The following KIDINS220 variants were observed in gnomAD, a reference collection of about 807,000 sequenced individuals.
The protein encoded by KIDINS220 is kinase D-interacting substrate of 220 kDa.
In KIDINS220, 63 loss-of-function variants were observed where a neutral mutation model predicts 157.6. That is an observed-to-expected ratio of 0.40 (90% CI 0.33 to 0.49). The LOEUF is 0.49. Among genes scored for constraint, KIDINS220 ranks in the 20% least tolerant of loss-of-function variants. KIDINS220 has a pLI of 0.66. For synonymous variants in KIDINS220, 732 were observed against 783.6 expected, an observed-to-expected ratio of 0.93 and a Z score of 1.10; for missense variants, 1,772 against 2,171.2, an observed-to-expected ratio of 0.82 and a Z score of 3.65.
At chr2:8,820,794 T>C (rs1208115371) in intron 2 of KIDINS220, among the ~76,000 whole-genome samples, 2 of 152,236 alleles carry the variant, frequency 1.3e-5, no homozygotes, top group African/African-American at 2.4e-5. Context: ...TTAAAAGTTA[T>C]GTTTAGAATT....
At chr2:8,812,596 A>G (rs1247923340) in intron 5 of KIDINS220, 103 bp from the exon 6 acceptor site, 2 of 489,786 alleles carry the variant, frequency 4.1e-6, no homozygotes, top group Non-Finnish European at 7.1e-6. Context: ...TCTTTTAGGT[A>G]GATATTTACA....
chr2:8,818,638 A>C (rs1677452580), intron 3 of KIDINS220, 57 bp downstream of exon 3: 4 of 1,088,758 alleles, frequency 3.7e-6, no homozygotes, highest in South Asian at 1.5e-5. Context: ...TCTGAAAAAC[A>C]AAAAAATAGC....
intron 26 of KIDINS220, among the ~76,000 whole-genome samples, chr2:8,743,111 G>A (rs1665859548): frequency 6.6e-6 from 1 of 152,110 alleles, no homozygotes; most frequent in Non-Finnish European, 1.5e-5. Context: ...ATTTCCTAGT[G>A]GGAACTGGAC....
intron 5 of KIDINS220, among the ~76,000 whole-genome samples, chr2:8,812,715 A>G (rs1301318777): frequency 1.3e-5 from 2 of 152,250 alleles, no homozygotes; most frequent in Non-Finnish European, 2.9e-5. Flanking sequence ...CAAAATACTC[A>G]TAATACATAA....
intron 27 of KIDINS220, among the ~76,000 whole-genome samples, chr2:8,736,445 A>G (rs1664870886): frequency 6.6e-6 from 1 of 152,232 alleles, no homozygotes; most frequent in Admixed American, 6.5e-5. Flanking sequence ...GAATTTGGAG[A>G]AAATGAGGCA....
chr2:8,750,019 A>T, intron 24 of KIDINS220, 93 bp downstream of exon 24: 1 of 1,022,836 alleles, frequency 9.8e-7, no homozygotes, highest in Non-Finnish European at 1.4e-6. Context: ...AAGCCAAAGT[A>T]CAGCTTTAAA....
chr2:8,823,176 G>A (rs1678252240), intron 2 of KIDINS220, among the ~76,000 whole-genome samples: 1 of 151,976 alleles, frequency 6.6e-6, no homozygotes, highest in African/African-American at 2.4e-5. Context: ...TGCCCAGGCT[G>A]GTCTCAAACT....
chr2:8,779,568 TCAAA>T (rs1671425061), intron 18 of KIDINS220, 102 bp downstream of exon 18: 1 of 1,249,816 alleles, frequency 8.0e-7, no homozygotes, highest in Non-Finnish European at 1.1e-6. Flanking sequence ...TAGGAACTAC[TCAAA>T]CAAAAACCAA....
intron 15 of KIDINS220, 98 bp downstream of exon 15, chr2:8,788,549 G>C (rs1375156517): frequency 8.4e-7 from 1 of 1,191,730 alleles, no homozygotes; most frequent in South Asian, 1.4e-5. Context: ...GATTACAAGC[G>C]TGAGCCACCA....
intron 11 of KIDINS220, among the ~76,000 whole-genome samples, chr2:8,795,652 G>T (rs372820434): frequency 6.6e-6 from 1 of 152,192 alleles, no homozygotes; most frequent in East Asian, 1.9e-4. Flanking sequence ...AGTATCATGT[G>T]CTGACTCTGG....
rs780676210 is a variant in KIDINS220, at chr2:8,770,792, G to C, written c.2889C>G (p.Asp963Glu). The change falls in exon 22 of 30, where the codon GAC becomes GAG. Residue 963 changes from aspartate (D) to glutamate (E), a missense_variant. Around this residue, in one of 3 missense-constraint regions of KIDINS220, gnomAD observed 725 missense variants for 1,017.1 expected, o/e 0.71. Coordinates refer to ENST00000256707, the MANE Select transcript of KIDINS220 (RefSeq NM_020738.4). The part of the protein sequence containing the change: ...LRANQISFNW[D>E]RLASWINLTE... ...TAAGGTTGATCCAGCTAGCAAGCCT[G>C]TCCCAGTTGAAACTAATCTGATTGG... 5 of 1,611,400 alleles carry C rather than the reference G, an allele frequency of 3.1e-6. No homozygotes were observed. In the South Asian group the frequency reaches 5.5e-5, roughly 18 times the overall value.
At chr2:8,800,826 G>A (rs1323642615) in intron 8 of KIDINS220, among the ~76,000 whole-genome samples, 1 of 152,132 alleles carries the variant, frequency 6.6e-6, no homozygotes, top group Non-Finnish European at 1.5e-5. Context: ...CAATGACGTT[G>A]TGGCTGTCAA....
At chr2:8,765,006 T>C (rs1334795623) in intron 22 of KIDINS220, among the ~76,000 whole-genome samples, 2 of 151,954 alleles carry the variant, frequency 1.3e-5, no homozygotes, top group Non-Finnish European at 2.9e-5. Context: ...ACTCATCTAA[T>C]AAAGCCTCGA....
intron 22 of KIDINS220, among the ~76,000 whole-genome samples, chr2:8,754,601 T>C (rs1167908892): frequency 1.3e-5 from 2 of 152,216 alleles, no homozygotes; most frequent in Non-Finnish European, 2.9e-5. Context: ...ATGCTACCAA[T>C]CTAGCAATAC....
downstream of KIDINS220, chr2:8,725,557 CTTA>C (rs1372339898): frequency 6.6e-6 from 1 of 152,158 alleles, no homozygotes; most frequent in African/African-American, 2.4e-5. Flanking sequence ...TCTTCACCCC[CTTA>C]TTATTTGGTG....
intron 12 of KIDINS220, among the ~76,000 whole-genome samples, chr2:8,792,826 G>GA (rs796475616): frequency 6.6e-6 from 1 of 151,530 alleles, no homozygotes; most frequent in Non-Finnish European, 1.5e-5. Context: ...TCAAAAGAAA[G>GA]AAAAAAAATC....
At chr2:8,806,214 T>C in intron 7 of KIDINS220, 57 bp downstream of exon 7, 1 of 1,279,710 alleles carries the variant, frequency 7.8e-7, no homozygotes, top group Non-Finnish European at 1.1e-6. Context: ...ATAAATTCTC[T>C]CTCTTAAAAT....
chr2:8,815,263 C>T (rs1357600538), intron 4 of KIDINS220, among the ~76,000 whole-genome samples: 2 of 151,200 alleles, frequency 1.3e-5, no homozygotes, highest in African/African-American at 2.4e-5. Context: ...TAGCCAGCCA[C>T]GGTGGTGTGT....
chr2:8,747,039 C>T (rs1342540426), intron 26 of KIDINS220, 106 bp downstream of exon 26: 1 of 986,860 alleles, frequency 1.0e-6, no homozygotes, highest in Non-Finnish European at 1.6e-6. Flanking sequence ...CTCATCACAC[C>T]ACAAACGCAG....
Sources: gnomAD v4.1 joint callset for allele counts (sites outside exome capture counted in the v4.1 genomes callset) on GRCh38, gnomAD v4.1.1 for gene constraint, gnomAD v4.1.1 regional missense constraint, MANE v1.5 for transcripts, NCBI Gene and HGNC (gene_info 2026-07-23, HGNC 2026-07-21) for gene names.